The following SOX5 variants were observed in gnomAD, a reference collection of about 807,000 sequenced individuals.
SOX5 encodes the protein SRY-box transcription factor 5, also known as transcription factor SOX-5.
Under a neutral mutation model 92.0 loss-of-function variants are expected in SOX5, and 9 were observed. The observed-to-expected ratio is 0.10, with a 90% confidence interval of 0.06 to 0.17. The LOEUF (loss-of-function observed/expected upper bound fraction) is 0.17. Among genes scored for constraint, SOX5 ranks in the 10% least tolerant of loss-of-function variants. SOX5 has a pLI of 1.00. For missense variants in SOX5, 642 were observed against 944.5 expected (o/e 0.68, Z 4.20); for synonymous variants, 344 against 336.3 (o/e 1.02, Z -0.25).
intron 4 of SOX5, among the ~76,000 whole-genome samples, chr12:23,985,359 C>G (rs1949969216): frequency 6.6e-6 from 1 of 152,038 alleles, no homozygotes; most frequent in African/African-American, 2.4e-5. Flanking sequence ...AGTGATCCTT[C>G]TGTCTTGATT....
At chr12:23,620,880 C>G (rs1209741610) in intron 8 of SOX5, among the ~76,000 whole-genome samples, 2 of 151,958 alleles carry the variant, frequency 1.3e-5, no homozygotes, top group African/African-American at 2.4e-5. Context: ...TATTGGGGAC[C>G]TATTATGTGC....
At chr12:24,163,680 CTGA>C (rs1565565213) in intron 4 of SOX5, among the ~76,000 whole-genome samples, 4 of 151,888 alleles carry the variant, frequency 2.6e-5, no homozygotes, top group Admixed American at 2.0e-4. Flanking sequence ...AAATGTTTTT[CTGA>C]TGATGATTAA....
At chr12:24,540,691 G>T (rs1035900930) in intron 1 of SOX5, among the ~76,000 whole-genome samples, 4 of 152,152 alleles carry the variant, frequency 2.6e-5, no homozygotes, top group African/African-American at 9.6e-5. Flanking sequence ...GAGAGAGGAA[G>T]TTTTTCCAAA....
At chr12:24,522,508 A>T (rs1950349173) in intron 1 of SOX5, among the ~76,000 whole-genome samples, 2 of 152,154 alleles carry the variant, frequency 1.3e-5, no homozygotes, top group African/African-American at 4.8e-5. Flanking sequence ...TGATGAATAC[A>T]GATACAAAAA....
chr12:23,904,762 T>C (rs752908390), intron 1 of SOX5, among the ~76,000 whole-genome samples: 2 of 152,200 alleles, frequency 1.3e-5, no homozygotes, highest in African/African-American at 4.8e-5. Flanking sequence ...GTTTCTGAGA[T>C]GTTCTCTGCA....
rs750001188 is a variant in SOX5, at chr12:23,740,903, A to G, written c.705T>C (p.Arg235=). 11 of 1,612,732 alleles carry G rather than the reference A, an allele frequency of 6.8e-6. No individual in the cohort carries two copies. Among genetic ancestry groups the G allele is most frequent in the Non-Finnish European group, 9.3e-6 (11 of 1,179,044 alleles). Reference sequence around the variant, plus strand: ...GCTGCTTGGCCAGCTCCATTTGCTGACGCTGTTTCTCAATCTGAGAGGCAG... The same window carrying G: ...GCTGCTTGGCCAGCTCCATTTGCTGGCGCTGTTTCTCAATCTGAGAGGCAG... ...KLAASQIEKQ[R]QQMELAKQQQ... The change falls in exon 5 of 15, where the codon CGT becomes CGC. Residue 235 remains arginine (R), a synonymous_variant. Coordinates refer to ENST00000451604, the MANE Select transcript of SOX5 (RefSeq NM_006940.6).
chr12:24,414,987 T>C (rs1035446579), intron 1 of SOX5, among the ~76,000 whole-genome samples: 6 of 152,138 alleles, frequency 3.9e-5, no homozygotes, highest in Non-Finnish European at 5.9e-5. Context: ...GTTTGCCTCC[T>C]AGAGATGAGA....
intron 4 of SOX5, among the ~76,000 whole-genome samples, chr12:24,175,479 C>A (rs1278532155): frequency 1.3e-5 from 2 of 152,202 alleles, no homozygotes; most frequent in Non-Finnish European, 1.5e-5. Context: ...ACAGTGCATG[C>A]ACGCTGGGAG....
At chr12:24,128,426 T>G (rs1037933080) in intron 4 of SOX5, among the ~76,000 whole-genome samples, 8 of 152,164 alleles carry the variant, frequency 5.3e-5, no homozygotes, top group African/African-American at 1.9e-4. Context: ...AATACTGTAA[T>G]TGTAAGCATA....
intron 1 of SOX5, among the ~76,000 whole-genome samples, chr12:24,562,100 C>G (rs1954421542): frequency 6.6e-6 from 1 of 152,178 alleles, no homozygotes; most frequent in Non-Finnish European, 1.5e-5. Context: ...GGCCACTCCG[C>G]GCCTCGGGCC....
At chr12:24,422,665 T>A (rs574165717) in intron 1 of SOX5, among the ~76,000 whole-genome samples, 1 of 152,220 alleles carries the variant, frequency 6.6e-6, no homozygotes, top group East Asian at 1.9e-4. Context: ...CCTACATATA[T>A]TGATTGCTTG....
At chr12:24,434,802 T>C (rs1322526158) in intron 1 of SOX5, among the ~76,000 whole-genome samples, 4 of 152,232 alleles carry the variant, frequency 2.6e-5, no homozygotes, top group Non-Finnish European at 5.9e-5. Flanking sequence ...GCCGAGCAGA[T>C]GCTAGCATCA....
At chr12:23,578,475 G>A (rs1949582937) in intron 9 of SOX5, among the ~76,000 whole-genome samples, 1 of 151,558 alleles carries the variant, frequency 6.6e-6, no homozygotes, top group Non-Finnish European at 1.5e-5. Flanking sequence ...AAAATAAAGG[G>A]GGACTATTGA....
chr12:24,496,960 C>T (rs1947701982), intron 1 of SOX5, among the ~76,000 whole-genome samples: 1 of 152,188 alleles, frequency 6.6e-6, no homozygotes, highest in Admixed American at 6.5e-5. Context: ...AGCATGGAAT[C>T]TGTTATGACA....
At chr12:24,387,882 C>G (rs1448642063) in intron 1 of SOX5, among the ~76,000 whole-genome samples, 2 of 152,122 alleles carry the variant, frequency 1.3e-5, no homozygotes, top group Non-Finnish European at 2.9e-5. Flanking sequence ...GGTTGAATCC[C>G]AACTGAGCAG....
chr12:23,929,066 G>A (rs1940784736), intron 1 of SOX5, among the ~76,000 whole-genome samples: 2 of 151,366 alleles, frequency 1.3e-5, no homozygotes, highest in Admixed American at 1.3e-4. Context: ...ACACAGAAAA[G>A]CTTAACATGA....
intron 6 of SOX5, among the ~76,000 whole-genome samples, chr12:23,687,816 C>T (rs2087892256): frequency 1.3e-5 from 2 of 151,716 alleles, no homozygotes; most frequent in Non-Finnish European, 2.9e-5. Flanking sequence ...ACAATGGCTG[C>T]AACGAAGCAC....
intron 1 of SOX5, among the ~76,000 whole-genome samples, chr12:24,437,757 T>C (rs2137134915): frequency 6.6e-6 from 1 of 152,316 alleles, no homozygotes. Context: ...CCAGTTAGAA[T>C]GGCGATCATT....
At chr12:24,380,000 C>G (rs2136347718) in intron 1 of SOX5, among the ~76,000 whole-genome samples, 1 of 151,724 alleles carries the variant, frequency 6.6e-6, no homozygotes, top group East Asian at 1.9e-4. Flanking sequence ...ATTCAAAAGA[C>G]ACATGCATCC....
Sources: gnomAD v4.1 joint callset for allele counts (sites outside exome capture counted in the v4.1 genomes callset) on GRCh38, gnomAD v4.1.1 for gene constraint, MANE v1.5 for transcripts, NCBI Gene and HGNC (gene_info 2026-07-23, HGNC 2026-07-21) for gene names.